Variants in PPP2R2D observed in about 807,000 individuals in gnomAD.
The protein encoded by PPP2R2D is protein phosphatase 2 regulatory subunit Bdelta.
A neutral mutation model predicts 31.1 loss-of-function variants in PPP2R2D; 9 were observed. The observed-to-expected ratio is 0.29, with a 90% CI of 0.17 to 0.51. PPP2R2D has a LOEUF of 0.51. PPP2R2D is among the 20% of genes least tolerant of loss of function. PPP2R2D has a pLI of 0.98. For missense variants in PPP2R2D, 391 were observed against 465.6 expected (o/e 0.84, Z 1.48); for synonymous variants, 179 against 172.6 (o/e 1.04, Z -0.29).
intron 2 of PPP2R2D, among the ~76,000 whole-genome samples, chr10:131,926,341 T>G (rs782748470): frequency 1.1e-4 from 17 of 152,110 alleles, no homozygotes; most frequent in Admixed American, 2.6e-4. Context: ...CAGAAACGTG[T>G]GTATATGTGT....
At chr10:131,924,728 G>A (rs761893805) in intron 2 of PPP2R2D, among the ~76,000 whole-genome samples, 5 of 148,564 alleles carry the variant, frequency 3.4e-5, no homozygotes, top group Non-Finnish European at 7.4e-5. Flanking sequence ...GATTTTCATA[G>A]GGTTAATACC....
chr10:131,931,199 G>C (rs1159678240), intron 2 of PPP2R2D, among the ~76,000 whole-genome samples: 1 of 152,198 alleles, frequency 6.6e-6, no homozygotes, highest in African/African-American at 2.4e-5. Flanking sequence ...TTAGTACAGG[G>C]CTTGTGCGTG....
At chr10:131,949,151 A>C (rs1360277486) in intron 8 of PPP2R2D, among the ~76,000 whole-genome samples, 1 of 152,178 alleles carries the variant, frequency 6.6e-6, no homozygotes, top group East Asian at 1.9e-4. Context: ...TGTTGACTGA[A>C]GACATGAGGT....
At chr10:131,914,754 T>C (rs782256645) in intron 2 of PPP2R2D, among the ~76,000 whole-genome samples, 22 of 152,220 alleles carry the variant, frequency 1.4e-4, no homozygotes, top group Middle Eastern at 3.4e-3. Flanking sequence ...AATGCTGCTC[T>C]GGAAAGCAGA....
chr10:131,956,337 T>A lies in PPP2R2D; in HGVS notation c.*374T>A. ...CGCTCTTTCTCCAACTTTCCCTCTT[T>A]CTCTGCCATCACACTTGGGCCTTCA... On this transcript the variant is annotated 3_prime_UTR_variant, in exon 9 of 9. Transcript: ENST00000455566. The A allele has an allele frequency of 3.0e-6, 3 of 990,626 alleles. No individual in the cohort carries two copies. The highest frequency in any genetic ancestry group is 3.6e-6 in the Non-Finnish European group (3 of 833,514). The allele number at this position is 990,626 out of a possible 1,614,324, so 61.4% of individuals were successfully genotyped here.
At chr10:131,948,944 G>A (rs2036592682) in intron 8 of PPP2R2D, among the ~76,000 whole-genome samples, 1 of 152,208 alleles carries the variant, frequency 6.6e-6, no homozygotes, top group South Asian at 2.1e-4. Context: ...GCCCTGAGAA[G>A]TGGAAGCAAA....
chr10:131,962,400 T>TA (rs1392311359), downstream of PPP2R2D, among the ~76,000 whole-genome samples: 1 of 152,250 alleles, frequency 6.6e-6, no homozygotes, highest in Non-Finnish European at 1.5e-5. Flanking sequence ...ATTTCTTTAA[T>TA]AATCACAGTC....
intron 2 of PPP2R2D, among the ~76,000 whole-genome samples, chr10:131,922,980 A>G (rs1349604113): frequency 6.6e-6 from 1 of 152,112 alleles, no homozygotes; most frequent in Non-Finnish European, 1.5e-5. Flanking sequence ...ATTTGTTTTT[A>G]TGGGGTAGTT....
chr10:131,920,581 T>A (rs1564813488), intron 2 of PPP2R2D, among the ~76,000 whole-genome samples: 1 of 152,220 alleles, frequency 6.6e-6, no homozygotes, highest in South Asian at 2.1e-4. Context: ...TTTGGCAGAA[T>A]TAGATGTGGA....
chr10:131,915,256 C>G (rs1200051238), intron 2 of PPP2R2D, among the ~76,000 whole-genome samples: 1 of 151,982 alleles, frequency 6.6e-6, no homozygotes, highest in African/African-American at 2.4e-5. Context: ...TCGTGCCTTA[C>G]GTGTACCAGT....
chr10:131,937,481 G>A (rs1465481405), intron 3 of PPP2R2D, among the ~76,000 whole-genome samples: 1 of 152,108 alleles, frequency 6.6e-6, no homozygotes, highest in African/African-American at 2.4e-5. Flanking sequence ...GTCCCCATGA[G>A]GCTTCCTTTA....
intron 2 of PPP2R2D, among the ~76,000 whole-genome samples, chr10:131,916,916 G>A (rs1359792331): frequency 2.0e-5 from 3 of 151,146 alleles, no homozygotes; most frequent in Non-Finnish European, 4.4e-5. Context: ...ACGTTTGTAG[G>A]GACCTCAGGC....
In PPP2R2D at chr10:131,944,058, T is replaced by G; in HGVS notation, c.568T>G (p.Ser190Ala). Residue 190 changes from serine (S) to alanine (A), a missense_variant, in exon 6 of 9, where the codon TCA becomes GCA. Physicochemically the swap from Ser to Ala is moderately conservative, Grantham distance 99. Transcript: ENST00000455566. ...TCACACATATCATATAAATTCCATT[T>G]CAGTAAATAGTGATCATGAAACATA... is the stretch of plus-strand genomic sequence containing the variant. Reference protein sequence around the residue: ...NAHTYHINSISVNSDHETYLS... With the variant: ...NAHTYHINSIAVNSDHETYLS... 6.2e-7 allele frequency: 1 copy of G among 1,604,194 alleles called. No individual in the cohort carries two copies. Among genetic ancestry groups the G allele is most frequent in the Non-Finnish European group, 8.5e-7 (1 of 1,171,208 alleles).
At chr10:131,928,356 T>C (rs569014301) in intron 2 of PPP2R2D, among the ~76,000 whole-genome samples, 4 of 152,324 alleles carry the variant, frequency 2.6e-5, no homozygotes, top group Non-Finnish European at 5.9e-5. Flanking sequence ...AGGAAGTGTG[T>C]TTAAATGACC....
intron 8 of PPP2R2D, 24 bp from the exon 9 acceptor site, chr10:131,955,660 G>C: frequency 7.1e-7 from 1 of 1,403,378 alleles, no homozygotes; most frequent in Non-Finnish European, 9.3e-7. Flanking sequence ...GAGGAGTGCT[G>C]CTGTCTGCTC....
chr10:131,960,543 T>A (rs1384115970), downstream of PPP2R2D, among the ~76,000 whole-genome samples: 1 of 152,184 alleles, frequency 6.6e-6, no homozygotes, highest in Non-Finnish European at 1.5e-5. Flanking sequence ...TGTGCGTGTC[T>A]GTCTGTCCTG....
chr10:131,903,422 G>A (rs2035532591), intron 2 of PPP2R2D, among the ~76,000 whole-genome samples: 2 of 140,318 alleles, frequency 1.4e-5, no homozygotes, highest in Non-Finnish European at 3.0e-5. Flanking sequence ...AGTGGAGATC[G>A]TGCCATTGCC....
intron 4 of PPP2R2D, 25 bp downstream of exon 4, chr10:131,940,221 G>GT (rs2036418041): frequency 1.6e-6 from 1 of 635,028 alleles, no homozygotes; most frequent in Non-Finnish European, 2.9e-6. Flanking sequence ...CTAAGTGGCT[G>GT]TTTGATTTAG....
At chr10:131,904,230 G>A (rs2035547367) in intron 2 of PPP2R2D, among the ~76,000 whole-genome samples, 1 of 140,474 alleles carries the variant, frequency 7.1e-6, no homozygotes, top group African/African-American at 2.7e-5. Flanking sequence ...GGAGAGAGAT[G>A]GCCGGGCGCA....
Sources: allele counts gnomAD v4.1 joint callset (sites outside exome capture counted in the v4.1 genomes callset), GRCh38; gene constraint gnomAD v4.1.1; transcripts MANE v1.5; gene names NCBI Gene and HGNC (gene_info 2026-07-23, HGNC 2026-07-21).